The following ZNF471 variants were observed in gnomAD, a reference collection of about 807,000 sequenced individuals.
ZNF471 encodes EZFIT-related protein 1.
A neutral mutation model predicts 13.7 loss-of-function variants in ZNF471; 7 were observed. The observed-to-expected ratio is 0.51, with a 90% CI of 0.29 to 0.96. The LOEUF (loss-of-function observed/expected upper bound fraction) is 0.96. Ranked by LOEUF, ZNF471 falls within the 40% of genes least tolerant of loss-of-function variation. The pLI is 0.08. For synonymous variants in ZNF471, 218 were observed against 235.6 expected, an observed-to-expected ratio of 0.93 and a Z score of 0.68; for missense variants, 663 against 743.3, an observed-to-expected ratio of 0.89 and a Z score of 1.26.
At chr19:56,509,755 AG>A in intron 1 of ZNF471, 4 of 229,946 alleles carry the variant, frequency 1.7e-5, no homozygotes, top group Non-Finnish European at 1.8e-5. Context: ...GTGTGTGTGT[AG>A]ATCCCCACAC....
chr19:56,524,059 A>C lies in ZNF471; in HGVS notation c.257-265A>C, dbSNP rs1231106341. Among the ~76,000 whole-genome samples the C allele has an allele frequency of 2.0e-5, 3 of 152,082 alleles. No individual in the cohort carries two copies. Among genetic ancestry groups the C allele is most frequent in the Non-Finnish European group, 4.4e-5 (3 of 68,018 alleles). ...GGCTGGTCTTGAACTCCTGGGCTCAAGCAATCCACCTCAGCCTCCTAAAGT... is the reference window on the plus strand; with the variant it reads ...GGCTGGTCTTGAACTCCTGGGCTCACGCAATCCACCTCAGCCTCCTAAAGT... On this transcript the variant is annotated intron_variant, in intron 4 of 4. Coordinates refer to ENST00000308031, the MANE Select transcript of ZNF471 (RefSeq NM_020813.4). This position sits in a 1 kb window ranked among gnomAD's most constrained non-coding sequence, Gnocchi z 4.8.
In ZNF471 at chr19:56,508,207, G is replaced by T. The variant is rs1373115820; in HGVS notation, c.-56+287G>T. 1 of 975,450 alleles carries T rather than the reference G, an allele frequency of 1.0e-6. No individual in the cohort carries two copies. The highest frequency in any genetic ancestry group is 1.8e-5 in the African/African-American group (1 of 54,424). The allele number at this position is 975,450 out of a possible 1,614,324, so 60.4% of individuals were successfully genotyped here. ...TGTAAAAGATCTGTCAGAGTGTGAG[G>T]CTCCGTGAGAGGGTGTGGTTTCTGT... On this transcript the variant is annotated intron_variant, in intron 1 of 4. Transcript: ENST00000308031. The surrounding 1 kb of genome is among the most constrained non-coding windows in gnomAD (Gnocchi z 4.7).
chr19:56,511,632 G>T, intron 2 of ZNF471, 28 bp downstream of exon 2: 1 of 1,576,168 alleles, frequency 6.3e-7, no homozygotes, highest in Non-Finnish European at 8.7e-7. Flanking sequence ...TTCTCTTCAT[G>T]AAAGGCAGTC....
In ZNF471 at chr19:56,527,316, G is replaced by A. The variant is rs1386002360; in HGVS notation, c.*1368G>A. On this transcript the variant is annotated 3_prime_UTR_variant, in exon 5 of 5. Coordinates refer to ENST00000308031, the MANE Select transcript of ZNF471 (RefSeq NM_020813.4). The stretch of plus-strand genomic sequence containing the variant: ...GGACATCCACACAGAAACCCCATCT[G>A]AAGGTTACCAGCATCAAAGACCAAA... 2.0e-5 allele frequency: 3 copies of A among 152,212 alleles called. No homozygotes were observed. Among genetic ancestry groups the A allele is most frequent in the Non-Finnish European group, 4.4e-5 (3 of 68,046 alleles). The allele number at this position is 152,212 out of a possible 1,614,324, so 9.4% of individuals were successfully genotyped here.
At chr19:56,517,389 G>A (rs1338620161) in intron 3 of ZNF471, among the ~76,000 whole-genome samples, 1 of 147,086 alleles carries the variant, frequency 6.8e-6, no homozygotes, top group African/African-American at 2.5e-5. Context: ...TGCAAGCTCC[G>A]CCTCCTGGGT....
rs767054126 is a variant in ZNF471 at position 56,525,822 on chromosome 19, C to T, written c.1755C>T (p.Ser585=). ...ECGKAFSDSS[S]CAQHQRLHTG... Reference sequence around the variant, plus strand: ...GAAAGGCTTTTAGTGATAGCTCATCCTGTGCTCAGCATCAAAGACTCCACA... The same window carrying T: ...GAAAGGCTTTTAGTGATAGCTCATCTTGTGCTCAGCATCAAAGACTCCACA... The change falls in exon 5 of 5, where the codon TCC becomes TCT. Residue 585 remains serine, a synonymous_variant. Transcript: ENST00000308031. 1.2e-6 allele frequency: 2 copies of T among 1,614,162 alleles called. No individual in the cohort carries two copies.
At chr19:56,511,970 G>C (rs2043818545) in intron 2 of ZNF471, among the ~76,000 whole-genome samples, 1 of 152,074 alleles carries the variant, frequency 6.6e-6, no homozygotes, top group Admixed American at 6.5e-5. Flanking sequence ...AATGCATTAG[G>C]AATTATTCCT....
rs900620261 is a variant in ZNF471 at position 56,527,726 on chromosome 19, T to C, written c.*1778T>C. On this transcript the variant is annotated 3_prime_UTR_variant, in exon 5 of 5. Transcript: ENST00000308031. ...AGATTGAATGCTTTACAGGGAAGAA[T>C]TCATACTGCAGAGCGGTCTTAACAA... The C allele has an allele frequency of 6.6e-6, 1 of 152,158 alleles. No homozygotes were observed. The highest frequency in any genetic ancestry group is 2.4e-5 in the African/African-American group (1 of 41,424). 9.4% of individuals were successfully genotyped at this position (152,158 alleles called of 1,614,324 possible).
At chr19:56,511,941 G>A (rs2043818023) in intron 2 of ZNF471, among the ~76,000 whole-genome samples, 1 of 152,158 alleles carries the variant, frequency 6.6e-6, no homozygotes, top group Non-Finnish European at 1.5e-5. Flanking sequence ...TGTGCATGCA[G>A]TGCGTTTCCT....
chr19:56,515,600 T>G (rs2043874412), intron 2 of ZNF471, among the ~76,000 whole-genome samples: 1 of 152,234 alleles, frequency 6.6e-6, no homozygotes, highest in East Asian at 1.9e-4. Flanking sequence ...TCTTTAGTTA[T>G]ATTTTTGATA....
Position 56,516,402 on chromosome 19 carries a change from G to A in ZNF471, c.160+1G>A. 6.2e-7 allele frequency: 1 copy of A among 1,611,588 alleles called. No individual in the cohort carries two copies. The highest frequency in any genetic ancestry group is 8.5e-7 in the Non-Finnish European group (1 of 1,178,922). On this transcript the variant is annotated splice_donor_variant, in intron 3 of 4. Transcript: ENST00000308031. LOFTEE classifies it high-confidence loss of function. The surrounding 1 kb of genome is among the most constrained non-coding windows in gnomAD (Gnocchi z 4.4). ...AACTATCAGAGCCTGGTATCACTTG[G>A]TGAGGATCTTTTCCCTCCTGCATAA...
rs1000183826 is a variant in ZNF471, at chr19:56,527,541, C to G, written c.*1593C>G. The G allele has an allele frequency of 8.5e-5, 13 of 152,138 alleles. No homozygotes were observed. Among genetic ancestry groups the G allele is most frequent in the Non-Finnish European group, 1.9e-4 (13 of 68,024 alleles). The allele number at this position is 152,138 out of a possible 1,614,324, so 9.4% of individuals were successfully genotyped here. ...AACAAACTCCTCTGAGCTAAAGGAGCATGTTCTAACCCAATGCAAGGAAGC... is the reference window on the plus strand; with the variant it reads ...AACAAACTCCTCTGAGCTAAAGGAGGATGTTCTAACCCAATGCAAGGAAGC... On this transcript the variant is annotated 3_prime_UTR_variant, in exon 5 of 5. Transcript: ENST00000308031.
rs779356386 is a variant in ZNF471, at chr19:56,525,842, T to G, written c.1775T>G (p.Leu592Arg). 5.0e-6 allele frequency: 8 copies of G among 1,613,784 alleles called. No individual in the cohort carries two copies. In the Admixed American group the frequency reaches 5.0e-5, roughly 10 times the overall value. ...DSSSCAQHQR[L>R]HTGQRPYQCF... is the part of the protein sequence containing the mutation. Reference sequence around the variant, plus strand: ...TCATCCTGTGCTCAGCATCAAAGACTCCACACTGGCCAAAGGCCCTATCAG... The same window carrying G: ...TCATCCTGTGCTCAGCATCAAAGACGCCACACTGGCCAAAGGCCCTATCAG... The change falls in exon 5 of 5, where the codon CTC (leucine) becomes CGC (arginine). Residue 592 changes from leucine to arginine, a missense_variant. Physicochemically the swap from Leu to Arg is moderately radical, Grantham distance 102 (BLOSUM62 -2). Transcript: ENST00000308031.
In ZNF471 at chr19:56,524,933, C is replaced by T. The variant is rs749932582; in HGVS notation, c.866C>T (p.Pro289Leu). 5 of 1,613,854 alleles carry T rather than the reference C, an allele frequency of 3.1e-6. No individual in the cohort carries two copies. The highest frequency in any genetic ancestry group is 4.2e-6 in the Non-Finnish European group (5 of 1,179,944). Residue 289 changes from proline (P) to leucine (L), a missense_variant, in exon 5 of 5, where the codon CCA (proline) becomes CTA (leucine). By Grantham distance (98) the Pro-to-Leu change is moderately conservative (BLOSUM62 -3). Coordinates refer to ENST00000308031, the MANE Select transcript of ZNF471 (RefSeq NM_020813.4). The surrounding 1 kb of genome is among the most constrained non-coding windows in gnomAD (Gnocchi z 4.8). ...QHQRIHTGEK[P>L]YKCKECRKAF... ...CAAAGAATTCATACTGGAGAAAAACCATATAAATGTAAGGAATGCAGAAAA... is the reference window on the plus strand; with the variant it reads ...CAAAGAATTCATACTGGAGAAAAACTATATAAATGTAAGGAATGCAGAAAA...
In ZNF471 at chr19:56,511,525, TCC is replaced by T. The variant is rs538209415; in HGVS notation, c.-45_-44del. ...CCTTTCCCTTCCTTCAGCCTTGCCC[TCC>T]CAAGACACTGTTCTTCAAGAGAAAG... is the stretch of plus-strand genomic sequence containing the variant. On this transcript the variant is annotated 5_prime_UTR_variant, in exon 2 of 5. Coordinates refer to ENST00000308031, the MANE Select transcript of ZNF471 (RefSeq NM_020813.4). The T allele has an allele frequency of 1.1e-4, 174 of 1,612,846 alleles. No individual in the cohort carries two copies. Among genetic ancestry groups the T allele is most frequent in the Non-Finnish European group, 1.4e-4 (169 of 1,179,406 alleles).
At chr19:56,520,344 C>G (rs2043952891) in intron 4 of ZNF471, among the ~76,000 whole-genome samples, 1 of 152,126 alleles carries the variant, frequency 6.6e-6, no homozygotes, top group South Asian at 2.1e-4. Context: ...CCATGGCTCT[C>G]TGTAGGAAAT....
At chr19:56,511,095 G>GT (rs113110562) in intron 1 of ZNF471, 72,808 of 724,096 alleles carry the variant, frequency 0.1, 238 homozygotes, top group East Asian at 0.18. Flanking sequence ...TTTTTCTTTT[G>GT]TTTTTTTTTT....
Position 56,524,253 on chromosome 19 carries a change from C to T in ZNF471, c.257-71C>T. The T allele has an allele frequency of 9.1e-7, 1 of 1,104,474 alleles. No homozygotes were observed. The highest frequency in any genetic ancestry group is 1.3e-6 in the Non-Finnish European group (1 of 786,236). 68.4% of individuals were successfully genotyped at this position (1,104,474 alleles called of 1,614,324 possible). On this transcript the variant is annotated intron_variant, in intron 4 of 4. Transcript: ENST00000308031. The surrounding 1 kb of genome is among the most constrained non-coding windows in gnomAD (Gnocchi z 4.8). ...GATTTATTAAATATTTTTAAATTAC[C>T]TTTTTCACAATGTCTCCTTTGTTGT...
At chr19:56,509,015 T>C (rs79842220) in intron 1 of ZNF471, among the ~76,000 whole-genome samples, 2,230 of 152,320 alleles carry the variant, frequency 0.015, 64 homozygotes, top group African/African-American at 0.048. Context: ...CAAAGTTATG[T>C]TTCCTGGCTT....
Sources: allele counts gnomAD v4.1 joint callset (sites outside exome capture counted in the v4.1 genomes callset), GRCh38; gene constraint gnomAD v4.1.1; non-coding constraint Gnocchi (gnomAD v3.1); transcripts MANE v1.5; gene names NCBI Gene and HGNC (gene_info 2026-07-23, HGNC 2026-07-21).